Variants in FAM50A observed in about 807,000 individuals in gnomAD.
The protein encoded by FAM50A is family with sequence similarity 50 member A.
FAM50A carries 6 observed loss-of-function variants against 35.5 expected under a neutral mutation model. The ratio of observed to expected loss-of-function variants is 0.17; its 90% CI spans 0.09 to 0.33. The LOEUF is 0.33. Ranked by LOEUF, FAM50A falls within the 10% of genes least tolerant of loss-of-function variation. The pLI, the probability that FAM50A is intolerant of heterozygous loss-of-function variation, is 1.00. For synonymous variants in FAM50A, 120 were observed against 110.9 expected, an observed-to-expected ratio of 1.08 and a Z score of -0.52; for missense variants, 145 against 295.5, an observed-to-expected ratio of 0.49 and a Z score of 3.73.
intron 7 of FAM50A, 127 bp from the exon 8 acceptor site, chrX:154,449,094 G>A: frequency 1.1e-6 from 1 of 880,059 alleles, no homozygotes; most frequent in Non-Finnish European, 1.6e-6. Context: ...CCCCTGTCTG[G>A]GGAGTGAGGC....
intron 1 of FAM50A, chrX:154,444,649 G>A (rs781980726): frequency 4.8e-4 from 68 of 140,337 alleles, no homozygotes; most frequent in African/African-American, 2.0e-3. Context: ...CGGGCCTCTC[G>A]TCGCCTCGCC....
chrX:154,448,785 G>T (rs1240008241), intron 6 of FAM50A, 29 bp downstream of exon 6: 9 of 1,200,800 alleles, frequency 7.5e-6, no homozygotes, highest in Non-Finnish European at 7.9e-6. Flanking sequence ...AGACGCGAGG[G>T]GCCTGGGCCC....
In FAM50A at chrX:154,449,664, C is replaced by T; in HGVS notation, c.726-17C>T. 1.2e-5 allele frequency: 15 copies of T among 1,207,136 alleles called. No individual in the cohort carries two copies. The highest frequency in any genetic ancestry group is 1.6e-5 in the Non-Finnish European group (14 of 891,556). On this transcript the variant is annotated splice_polypyrimidine_tract_variant and intron_variant, in intron 8 of 12. Transcript: ENST00000393600. Reference sequence around the variant, plus strand: ...GTGCTGTCCTCTTGCCCACGCCCTCCTGCCTTCCTCCCTCAGGTCCGCAGG... The same window carrying T: ...GTGCTGTCCTCTTGCCCACGCCCTCTTGCCTTCCTCCCTCAGGTCCGCAGG...
intron 8 of FAM50A, 43 bp downstream of exon 8, chrX:154,449,340 G>A (rs782419846): frequency 1.8e-6 from 2 of 1,083,598 alleles, no homozygotes; most frequent in South Asian, 3.7e-5. Context: ...TGTGGCACCT[G>A]TGGCTCCAGC....
intron 5 of FAM50A, 41 bp downstream of exon 5, chrX:154,448,601 C>T (rs1557200100): frequency 8.5e-7 from 1 of 1,179,824 alleles, no homozygotes; most frequent in African/African-American, 1.8e-5. Context: ...CGACTCCAGC[C>T]CTGGTGGAGA....
At chrX:154,447,775 G>C (rs1402995603) in intron 4 of FAM50A, among the ~76,000 whole-genome samples, 2 of 111,164 alleles carry the variant, frequency 1.8e-5, no homozygotes, top group Admixed American at 1.9e-4. Context: ...TGGGACTACA[G>C]GCGCTTTGTA....
chrX:154,448,549 C>T lies in FAM50A; in HGVS notation c.508C>T (p.Arg170Ter), dbSNP rs782407720. The T allele has an allele frequency of 1.7e-6, 2 of 1,208,826 alleles. No individual in the cohort carries two copies. Among genetic ancestry groups the T allele is most frequent in the Admixed American group, 2.2e-5 (1 of 45,928 alleles). ...CGTTGACACAAGCTTCTTGCCTGATCGAGACCGTGAGGTAAAGGCTGCCTG... is the reference window on the plus strand; with the variant it reads ...CGTTGACACAAGCTTCTTGCCTGATTGAGACCGTGAGGTAAAGGCTGCCTG... ...PDVDTSFLPD[R>*]DREEEENRLR... is the part of the protein sequence containing the mutation. Residue 170 changes from arginine (R) to a stop codon, truncating the protein, a stop_gained, in exon 5 of 13, where the codon CGA becomes TGA. Coordinates refer to ENST00000393600, the MANE Select transcript of FAM50A (RefSeq NM_004699.4). LOFTEE classifies it high-confidence loss of function.
rs1270519579 is a variant in FAM50A, at chrX:154,444,184, G to A, written c.-52G>A. 2.4e-5 allele frequency: 11 copies of A among 465,519 alleles called. No homozygotes were observed. The African/African-American group carries it at 3.0e-4, about 13-fold the overall frequency. The allele number at this position is 465,519 out of a possible 1,213,427, so 38.4% of individuals were successfully genotyped here. A position where few individuals can be genotyped will look rare whatever the true frequency, so the allele number is the denominator to read the frequency against. ...CACCGCCGCTGCCGCTGCCGCTGTCGCTGTCGCCGCCGCCGCCGCCCGCCG... is the reference window on the plus strand; with the variant it reads ...CACCGCCGCTGCCGCTGCCGCTGTCACTGTCGCCGCCGCCGCCGCCCGCCG... On this transcript the variant is annotated 5_prime_UTR_variant, in exon 1 of 13. Transcript: ENST00000393600.
chrX:154,444,178 G>GC lies in FAM50A; in HGVS notation c.-57dup, dbSNP rs1489050927. ...GGCCGCCACCGCCGCTGCCGCTGCCGCTGTCGCTGTCGCCGCCGCCGCCGC... is the reference window on the plus strand; with the variant it reads ...GGCCGCCACCGCCGCTGCCGCTGCCGCCTGTCGCTGTCGCCGCCGCCGCCGC... On this transcript the variant is annotated 5_prime_UTR_variant, in exon 1 of 13. Transcript: ENST00000393600. 6 of 408,703 alleles carry GC rather than the reference G, an allele frequency of 1.5e-5. No individual in the cohort carries two copies. The South Asian group carries it at 4.8e-4, about 33-fold the overall frequency. The allele number at this position is 408,703 out of a possible 1,213,427, so 33.7% of individuals were successfully genotyped here. A position where few individuals can be genotyped will look rare whatever the true frequency, so the allele number is the denominator to read the frequency against.
At chrX:154,446,810 G>A (rs782771142) in intron 4 of FAM50A, among the ~76,000 whole-genome samples, 1 of 112,355 alleles carries the variant, frequency 8.9e-6, no homozygotes, top group Non-Finnish European at 1.9e-5. Flanking sequence ...CAGGTGCCTC[G>A]TATGACTGGG....
rs1557199755 is a variant in FAM50A at position 154,445,928 on chromosome X, C to T, written c.296+17C>T. 6 of 1,150,429 alleles carry T rather than the reference C, an allele frequency of 5.2e-6. No homozygotes were observed. In the Admixed American group the frequency reaches 1.3e-4, roughly 25 times the overall value. 94.8% of individuals were successfully genotyped at this position (1,150,429 alleles called of 1,213,427 possible). On this transcript the variant is annotated intron_variant, in intron 3 of 12. Coordinates refer to ENST00000393600, the MANE Select transcript of FAM50A (RefSeq NM_004699.4). ...GCTGCAGATGTGGGTCCTCTCGCCG[C>T]AGCCCTCAACATGGAGCTAGTGCTT...
chrX:154,447,170 A>AG (rs782132473), intron 4 of FAM50A, among the ~76,000 whole-genome samples: 25 of 112,440 alleles, frequency 2.2e-4, no homozygotes, highest in African/African-American at 8.1e-4. Flanking sequence ...CCTAAGGATG[A>AG]GGGGAGTTGC....
intron 4 of FAM50A, 127 bp downstream of exon 4, chrX:154,446,687 G>A (rs1252069937): frequency 1.8e-5 from 17 of 948,668 alleles, no homozygotes; most frequent in East Asian, 1.1e-4. Flanking sequence ...GAGGCACCGC[G>A]CACAGTAGAC....
chrX:154,449,256 G>C lies in FAM50A; in HGVS notation c.684G>C (p.Gln228His). ...GCAACACCATGCAGCAGTTCCTGCA[G>C]AAGGCGCTCGAGATCCTTCGGAAAG... ...RKGNTMQQFL[Q>H]KALEILRKDF... Residue 228 changes from glutamine to histidine, a missense_variant, in exon 8 of 13, where the codon CAG becomes CAC. Physicochemically the swap from Gln to His is conservative, Grantham distance 24. Around this residue, in one of 5 missense-constraint regions of FAM50A, gnomAD observed 59 missense variants for 164.5 expected, o/e 0.36. Transcript: ENST00000393600. 8.3e-7 allele frequency: 1 copy of C among 1,211,131 alleles called. No individual in the cohort carries two copies. The highest frequency in any genetic ancestry group is 1.1e-6 in the Non-Finnish European group (1 of 894,414).
At position 154,446,520 on chromosome X, in the gene FAM50A, AGAGGAGGCGGCCATGTAT is replaced by A; in HGVS notation, c.410_427del (p.Ala137_Glu142del). 8.4e-7 allele frequency: 1 copy of A among 1,192,125 alleles called. No individual in the cohort carries two copies. The highest frequency in any genetic ancestry group is 1.1e-6 in the Non-Finnish European group (1 of 881,780). On this transcript the variant is annotated inframe_deletion, in exon 4 of 13. Coordinates refer to ENST00000393600, the MANE Select transcript of FAM50A (RefSeq NM_004699.4). ...AGGAAGAAGAGGGAGGCGAGGAGGA[AGAGGAGGCGGCCATGTAT>A]GAGGAGGAGATGGAAAGGGAAGGTG...
At chrX:154,446,255 A>G (rs1432905102) in intron 3 of FAM50A, 160 bp from the exon 4 acceptor site, 4 of 503,822 alleles carry the variant, frequency 7.9e-6, no homozygotes, top group African/African-American at 7.1e-5. Context: ...CCATGAGCTC[A>G]AAGTGATCCA....
intron 3 of FAM50A, 113 bp from the exon 4 acceptor site, chrX:154,446,302 C>A: frequency 1.4e-6 from 1 of 697,075 alleles, no homozygotes; most frequent in Non-Finnish European, 2.3e-6. Flanking sequence ...GGGGACCCAG[C>A]CTGGGCTGGG....
At position 154,450,131 on chromosome X, in the gene FAM50A, G is replaced by A. The variant is rs368796448; in HGVS notation, c.900+32G>A. 1.8e-4 allele frequency: 216 copies of A among 1,197,330 alleles called. 1 individual carries two copies. The South Asian group carries it at 3.4e-3, about 19-fold the overall frequency. ...CGTAGGGGGCCGTGTGAGGGGGAAC[G>A]GGTGTCCCTGGGCTATGGAGGAGAA... On this transcript the variant is annotated intron_variant, in intron 11 of 12. Transcript: ENST00000393600.
chrX:154,450,060 T>C lies in FAM50A; in HGVS notation c.861T>C (p.Asp287=), dbSNP rs2148233954. 5.0e-6 allele frequency: 6 copies of C among 1,211,208 alleles called. No individual in the cohort carries two copies. The highest frequency in any genetic ancestry group is 3.0e-5 in the East Asian group (1 of 33,822). ...GPLFNFDVHD[D]VRLLSDATVE... ...TCTTCAACTTTGATGTTCATGACGATGTGCGGTTGCTCAGTGACGCCACTG... is the reference window on the plus strand; with the variant it reads ...TCTTCAACTTTGATGTTCATGACGACGTGCGGTTGCTCAGTGACGCCACTG... The change falls in exon 11 of 13, where the codon GAT becomes GAC. Residue 287 remains aspartate (D), a synonymous_variant. Transcript: ENST00000393600.
Sources: gnomAD v4.1 joint callset for allele counts (sites outside exome capture counted in the v4.1 genomes callset) on GRCh38, gnomAD v4.1.1 for gene constraint, gnomAD v4.1.1 regional missense constraint, MANE v1.5 for transcripts, NCBI Gene and HGNC (gene_info 2026-07-23, HGNC 2026-07-21) for gene names.